SAMD5: variants seen among roughly 807,000 people sequenced by gnomAD.
The protein encoded by SAMD5 is sterile alpha motif domain containing 5.
In SAMD5, 13 loss-of-function variants were observed where a neutral mutation model predicts 11.3. The ratio of observed to expected loss-of-function variants is 1.15; its 90% CI spans 0.75 to 1.83. The LOEUF (loss-of-function observed/expected upper bound fraction) is 1.83, where lower values mean the gene tolerates loss of function less well. Among genes scored for constraint, SAMD5 ranks in the 40% most tolerant of loss-of-function variants. SAMD5 has a pLI of 0.00. For synonymous variants in SAMD5, 129 were observed against 111.3 expected (o/e 1.16, Z -1.00); for missense variants, 255 against 239.1 (o/e 1.07, Z -0.44).
the SAMD5 span, among the ~76,000 whole-genome samples, chr6:147,796,482 G>A: frequency 6.6e-6 from 1 of 152,142 alleles, no homozygotes; most frequent in African/African-American, 2.4e-5. Context: ...TTGTAGTATA[G>A]TTTGAAGTCA....
intron 1 of SAMD5, among the ~76,000 whole-genome samples, chr6:147,734,019 T>C (rs1397198861): frequency 2.6e-5 from 4 of 152,234 alleles, no homozygotes; most frequent in Non-Finnish European, 5.9e-5. Flanking sequence ...TCTTAACTCA[T>C]ATTCACAACT....
the SAMD5 span, among the ~76,000 whole-genome samples, chr6:147,881,732 C>T: frequency 2.0e-5 from 3 of 152,194 alleles, no homozygotes; most frequent in South Asian, 6.2e-4. Flanking sequence ...CTGCCAAAAT[C>T]GGCTCCTTGC....
At chr6:147,540,631 A>G (rs962747498) in intron 1 of SAMD5, among the ~76,000 whole-genome samples, 2 of 152,144 alleles carry the variant, frequency 1.3e-5, no homozygotes, top group Non-Finnish European at 2.9e-5. Flanking sequence ...TTTCTCCATT[A>G]TAGAACACAG....
chr6:147,887,868 G>A, the SAMD5 span, among the ~76,000 whole-genome samples: 2 of 152,194 alleles, frequency 1.3e-5, no homozygotes, highest in African/African-American at 4.8e-5. Context: ...ATTATACTAT[G>A]TGGGTAGTGA....
Position 147,566,438 on chromosome 6 carries a change from C to T in SAMD5, c.*1982C>T. ...TCATTTCCAGGTGTCGCATCCGTGG[C>T]TGATTTATTTCACAGATGTACATTT... On this transcript the variant is annotated 3_prime_UTR_variant, in exon 2 of 2. Coordinates refer to ENST00000367474, the MANE Select transcript of SAMD5 (RefSeq NM_001030060.3). 1 of 984,740 alleles carries T rather than the reference C, an allele frequency of 1.0e-6. No homozygotes were observed. The highest frequency in any genetic ancestry group is 1.2e-6 in the Non-Finnish European group (1 of 828,980). The allele number at this position is 984,740 out of a possible 1,614,324, so 61.0% of individuals were successfully genotyped here.
chr6:147,581,280 C>G lies in SAMD5; in HGVS notation c.162+71893C>G, dbSNP rs138200169. ...TAGGGCAAGGGGGATAATGGGCTCC[C>G]TTTTGGGCATGTTGAGTTTGAGGTC... On this transcript the variant is annotated intron_variant, in intron 1 of 1. Coordinates refer to the SAMD5 transcript ENST00000566741. Among the ~76,000 whole-genome samples the G allele has an allele frequency of 3.5e-3, 529 of 152,210 alleles. 1 individual carries two copies. Among genetic ancestry groups the G allele is most frequent in the African/African-American group, 0.012 (509 of 41,510 alleles).
At chr6:147,542,810 A>G (rs1341182228) in intron 1 of SAMD5, among the ~76,000 whole-genome samples, 2 of 152,196 alleles carry the variant, frequency 1.3e-5, no homozygotes, top group East Asian at 1.9e-4. Flanking sequence ...GTCCTACAGA[A>G]GCAATCTAGT....
chr6:147,789,278 A>AACACACACACAC, the SAMD5 span, among the ~76,000 whole-genome samples: 4 of 141,106 alleles, frequency 2.8e-5, no homozygotes, highest in South Asian at 2.4e-4. Flanking sequence ...TCTCTAGAAA[A>AACACACACACAC]ACACACACAC....
At chr6:147,830,231 TTTTC>T in the SAMD5 span, among the ~76,000 whole-genome samples, 144 of 148,620 alleles carry the variant, frequency 9.7e-4, no homozygotes, top group South Asian at 9.6e-3. Flanking sequence ...CCAATAAGCT[TTTTC>T]TTTCTTTCTT....
the SAMD5 span, among the ~76,000 whole-genome samples, chr6:147,801,189 T>C: frequency 1.3e-5 from 2 of 152,148 alleles, no homozygotes; most frequent in African/African-American, 2.4e-5. Context: ...TATTAAAAAT[T>C]CTGAAAAACC....
At chr6:147,763,999 A>G in the SAMD5 span, among the ~76,000 whole-genome samples, 1 of 152,234 alleles carries the variant, frequency 6.6e-6, no homozygotes, top group Non-Finnish European at 1.5e-5. Context: ...GCAGAGACAG[A>G]GTATTTTATT....
At chr6:147,875,643 C>T in the SAMD5 span, among the ~76,000 whole-genome samples, 2 of 152,100 alleles carry the variant, frequency 1.3e-5, no homozygotes, top group Admixed American at 1.3e-4. Flanking sequence ...GTCCTCACAG[C>T]CACTCCCCAT....
the SAMD5 span, among the ~76,000 whole-genome samples, chr6:147,816,301 A>AAAAAAAAAAAAATATATATAT: frequency 4.5e-5 from 3 of 66,346 alleles, no homozygotes; most frequent in South Asian, 4.8e-4. Context: ...AAAAAAAAAA[A>AAAAAAAAAAAAATATATATAT]ATATATATAT....
At chr6:147,622,644 G>A (rs1789987855) in intron 1 of SAMD5, among the ~76,000 whole-genome samples, 1 of 152,160 alleles carries the variant, frequency 6.6e-6, no homozygotes, top group African/African-American at 2.4e-5. Flanking sequence ...GTGAAAATGG[G>A]CTTTCTCCCT....
chr6:147,595,941 T>C (rs989913069), intron 1 of SAMD5, among the ~76,000 whole-genome samples: 23 of 152,156 alleles, frequency 1.5e-4, no homozygotes, highest in Admixed American at 4.6e-4. Flanking sequence ...TTAGTATTAC[T>C]CTTATTATTA....
intron 1 of SAMD5, among the ~76,000 whole-genome samples, chr6:147,533,660 C>T (rs1310894863): frequency 6.6e-6 from 1 of 151,888 alleles, no homozygotes; most frequent in Non-Finnish European, 1.5e-5. Flanking sequence ...CCCCTCTCCC[C>T]CTTCCTCCTC....
chr6:147,933,007 C>T, the SAMD5 span, among the ~76,000 whole-genome samples: 3 of 152,160 alleles, frequency 2.0e-5, no homozygotes, highest in Admixed American at 2.0e-4. Flanking sequence ...AAGATCTAAA[C>T]CAGCTTGATA....
chr6:147,689,987 A>G (rs1651113168), intron 1 of SAMD5, among the ~76,000 whole-genome samples: 1 of 152,210 alleles, frequency 6.6e-6, no homozygotes, highest in Admixed American at 6.5e-5. Context: ...AGTTTGGCTG[A>G]GGATCTGCAC....
downstream of SAMD5, among the ~76,000 whole-genome samples, chr6:147,574,213 A>T (rs1434369060): frequency 2.0e-5 from 3 of 152,196 alleles, no homozygotes; most frequent in Non-Finnish European, 4.4e-5. Flanking sequence ...CTAAAAAAAA[A>T]ATTAATATGT....
Sources: gnomAD v4.1 joint callset for allele counts (sites outside exome capture counted in the v4.1 genomes callset) on GRCh38, gnomAD v4.1.1 for gene constraint, MANE v1.5 for transcripts, NCBI Gene and HGNC (gene_info 2026-07-23, HGNC 2026-07-21) for gene names.